RAB3IP: variants seen among roughly 807,000 people sequenced by gnomAD.
RAB3IP encodes RAB3A interacting protein, also known as rab-3A-interacting protein.
Under a neutral mutation model 59.1 loss-of-function variants are expected in RAB3IP, and 36 were observed. That is an observed-to-expected ratio of 0.61 (90% CI 0.47 to 0.80). The LOEUF (loss-of-function observed/expected upper bound fraction) is 0.80, where lower values mean the gene tolerates loss of function less well. Among genes scored for constraint, RAB3IP ranks in the 30% least tolerant of loss-of-function variants. RAB3IP has a pLI of 0.00. For missense variants in RAB3IP, 511 were observed against 536.0 expected (o/e 0.95, Z 0.46); for synonymous variants, 207 against 191.2 (o/e 1.08, Z -0.68).
intron 1 of RAB3IP, among the ~76,000 whole-genome samples, chr12:69,746,125 A>G (rs1489901229): frequency 6.6e-6 from 1 of 152,212 alleles, no homozygotes; most frequent in East Asian, 1.9e-4. Context: ...TTGGCATTAG[A>G]TCAGACAGTA....
intron 8 of RAB3IP, among the ~76,000 whole-genome samples, chr12:69,808,787 G>A (rs1381993867): frequency 3.9e-5 from 6 of 152,098 alleles, no homozygotes; most frequent in Non-Finnish European, 8.8e-5. Context: ...TTGAGCCTAT[G>A]TGTGTTTCTG....
intron 8 of RAB3IP, among the ~76,000 whole-genome samples, chr12:69,806,226 A>G (rs1209796807): frequency 6.6e-6 from 1 of 152,100 alleles, no homozygotes; most frequent in East Asian, 1.9e-4. Context: ...TAGTCTTGGG[A>G]GAGTGTATGT....
chr12:69,807,495 G>A (rs1423724312), intron 8 of RAB3IP, among the ~76,000 whole-genome samples: 8 of 104,624 alleles, frequency 7.6e-5, no homozygotes, highest in Non-Finnish European at 1.6e-4. Context: ...CTTCCCAGAC[G>A]ACGGGCGGCC....
intron 3 of RAB3IP, among the ~76,000 whole-genome samples, chr12:69,758,839 A>G (rs1870690425): frequency 8.7e-6 from 1 of 115,134 alleles, no homozygotes; most frequent in South Asian, 3.0e-4. Context: ...TTCTAGGTTG[A>G]TGGTTGTTTT....
At chr12:69,752,535 T>C (rs1202208863) in intron 1 of RAB3IP, among the ~76,000 whole-genome samples, 1 of 152,154 alleles carries the variant, frequency 6.6e-6, no homozygotes, top group African/African-American at 2.4e-5. Flanking sequence ...GCTGTTGTCA[T>C]GTTGCCAGTT....
chr12:69,752,110 C>G (rs892342958), intron 1 of RAB3IP, among the ~76,000 whole-genome samples: 8 of 150,122 alleles, frequency 5.3e-5, no homozygotes, highest in African/African-American at 2.0e-4. Context: ...CTCAAGCCAT[C>G]CTCCCATCTT....
chr12:69,766,509 T>C (rs1592500173), intron 3 of RAB3IP, among the ~76,000 whole-genome samples: 1 of 134,212 alleles, frequency 7.5e-6, no homozygotes. Flanking sequence ...GAAACTCTGA[T>C]TTCTTTTTCT....
At chr12:69,770,477 T>G (rs1381908535) in intron 3 of RAB3IP, among the ~76,000 whole-genome samples, 2 of 152,200 alleles carry the variant, frequency 1.3e-5, no homozygotes, top group Non-Finnish European at 2.9e-5. Flanking sequence ...ATTTTTATTG[T>G]TTTTTCTCAA....
At chr12:69,779,843 G>A (rs1203886695) in intron 3 of RAB3IP, among the ~76,000 whole-genome samples, 1 of 152,000 alleles carries the variant, frequency 6.6e-6, no homozygotes, top group East Asian at 1.9e-4. Context: ...GTCTGTTATT[G>A]GTACCTTATT....
At chr12:69,762,756 C>CAAAAAAAAAAAAAAAAA (rs11445702) in intron 3 of RAB3IP, among the ~76,000 whole-genome samples, 4 of 76,756 alleles carry the variant, frequency 5.2e-5, no homozygotes, top group African/African-American at 1.6e-4. Context: ...GACTCCGTCT[C>CAAAAAAAAAAAAAAAAA]AAAAAAAAAA....
chr12:69,779,475 A>G (rs944465869), intron 3 of RAB3IP, among the ~76,000 whole-genome samples: 8 of 151,196 alleles, frequency 5.3e-5, no homozygotes, highest in East Asian at 2.0e-4. Context: ...TTGAACTCCA[A>G]TTACTCGAAC....
intron 4 of RAB3IP, among the ~76,000 whole-genome samples, chr12:69,785,356 G>A (rs1260092861): frequency 1.3e-5 from 2 of 152,292 alleles, no homozygotes; most frequent in South Asian, 2.1e-4. Context: ...GAAAAACAGA[G>A]CCTATATACA....
rs1024713726 is a variant in RAB3IP, at chr12:69,822,988, A to G, written c.*7542A>G. ...CCACTGTAGGATGACTGTAGTTAAC[A>G]ATAATGTGTAGTTTCAAATAGCTAA... On this transcript the variant is annotated 3_prime_UTR_variant, in exon 11 of 11. Transcript: ENST00000247833. 4.6e-5 allele frequency: 7 copies of G among 152,178 alleles called. No individual in the cohort carries two copies. The highest frequency in any genetic ancestry group is 1.7e-4 in the African/African-American group (7 of 41,440). The allele number at this position is 152,178 out of a possible 1,614,324, so 9.4% of individuals were successfully genotyped here.
intron 4 of RAB3IP, among the ~76,000 whole-genome samples, chr12:69,789,206 AAATATT>A (rs1876214282): frequency 6.6e-6 from 1 of 152,038 alleles, no homozygotes; most frequent in Non-Finnish European, 1.5e-5. Context: ...AAATAATAGA[AAATATT>A]AAGAAAACCC....
chr12:69,800,658 C>T (rs1334586500), intron 7 of RAB3IP, among the ~76,000 whole-genome samples: 1 of 152,112 alleles, frequency 6.6e-6, no homozygotes, highest in African/African-American at 2.4e-5. Flanking sequence ...TCTCTACACA[C>T]TCTGTTAAAG....
chr12:69,759,972 C>T (rs1447552863), intron 3 of RAB3IP, among the ~76,000 whole-genome samples: 5 of 150,230 alleles, frequency 3.3e-5, no homozygotes, highest in African/African-American at 1.0e-4. Flanking sequence ...ACTTCCCAGA[C>T]GGGGTGGCGG....
At chr12:69,798,310 C>T (rs890737065) in intron 6 of RAB3IP, among the ~76,000 whole-genome samples, 5 of 152,102 alleles carry the variant, frequency 3.3e-5, no homozygotes, top group African/African-American at 1.2e-4. Context: ...TTTTTGGCTG[C>T]ATAAATGTCT....
At chr12:69,758,916 A>G (rs1213345257) in intron 3 of RAB3IP, among the ~76,000 whole-genome samples, 1 of 151,318 alleles carries the variant, frequency 6.6e-6, no homozygotes, top group African/African-American at 2.4e-5. Context: ...ATTGTTGATG[A>G]GAAGCCAGCT....
intron 4 of RAB3IP, among the ~76,000 whole-genome samples, chr12:69,786,930 G>T (rs988617334): frequency 1.3e-5 from 2 of 152,290 alleles, no homozygotes; most frequent in African/African-American, 2.4e-5. Flanking sequence ...GATTAAAGAT[G>T]ATTTTGGTAA....
Sources: allele counts gnomAD v4.1 joint callset (sites outside exome capture counted in the v4.1 genomes callset), GRCh38; gene constraint gnomAD v4.1.1; transcripts MANE v1.5; gene names NCBI Gene and HGNC (gene_info 2026-07-23, HGNC 2026-07-21).